RTL1: variants seen among roughly 807,000 people sequenced by gnomAD.
RTL1 encodes the protein retrotransposon-like protein 1.
For missense variants in RTL1, 1,681 were observed against 1,767.5 expected, an observed-to-expected ratio of 0.95 and a Z score of 0.88; for synonymous variants, 727 against 748.4, an observed-to-expected ratio of 0.97 and a Z score of 0.47.
chr14:100,896,191 GA>G (rs2038853580), intron 2 of RTL1, among the ~76,000 whole-genome samples: 1 of 152,206 alleles, frequency 6.6e-6, no homozygotes, highest in South Asian at 2.1e-4. Context: ...TCACGTGCAG[GA>G]AAGGCGATTA....
rs765310455 is a variant in RTL1, at chr14:100,881,848, C to A, written c.2941G>T (p.Val981Phe). The part of the protein sequence containing the change: ...VFFFSHFNFD[V>F]MELPEQDGGR... ...CCGTCTTGTTCTGGCAGCTCCATGA[C>A]GTCAAAGTTGAAGTGGGAGAAGAAG... The change falls in exon 4 of 4, where the codon GTC (valine) becomes TTC (phenylalanine). Residue 981 changes from valine (V) to phenylalanine (F), a missense_variant. Physicochemically the swap from Val to Phe is conservative, Grantham distance 50. Coordinates refer to ENST00000649591, the MANE Select transcript of RTL1 (RefSeq NM_001134888.3). The surrounding 1 kb of genome is among the most constrained non-coding windows in gnomAD (Gnocchi z 6.6). 17 of 1,613,718 alleles carry A rather than the reference C, an allele frequency of 1.1e-5. No homozygotes were observed. The highest frequency in any genetic ancestry group is 1.4e-5 in the Non-Finnish European group (16 of 1,180,044).
At chr14:100,887,491 C>T (rs777917371) in intron 3 of RTL1, among the ~76,000 whole-genome samples, 4 of 152,208 alleles carry the variant, frequency 2.6e-5, no homozygotes, top group Admixed American at 6.5e-5. Context: ...CGGTGACTCA[C>T]AGCTGTAATC....
In RTL1 at chr14:100,880,999, C is replaced by A; in HGVS notation, c.3790G>T (p.Val1264Leu). ...DTSQDKQDNDVQEAPPSHTAA... is the reference protein window; with the variant it reads ...DTSQDKQDNDLQEAPPSHTAA... The stretch of plus-strand genomic sequence containing the variant: ...GTGTGGCTGGGTGGGGCCTCCTGCA[C>A]GTCGTTGTCCTGCTTGTCCTGCGAG... The change falls in exon 4 of 4, where the codon GTG becomes TTG. Residue 1264 changes from valine to leucine, a missense_variant. Val to Leu is a conservative substitution (Grantham distance 32, BLOSUM62 1). Transcript: ENST00000649591. 6.4e-7 allele frequency: 1 copy of A among 1,568,224 alleles called. No homozygotes were observed. The highest frequency in any genetic ancestry group is 8.6e-7 in the Non-Finnish European group (1 of 1,157,142).
rs1393939218 is a variant in RTL1 at position 100,881,171 on chromosome 14, G to T, written c.3618C>A (p.Pro1206=). The part of the protein sequence containing the change: ...LCEFFGVRVT[P]QEGHLPALRQ... ...GCAGGGCAGGGAGGTGGCCCTCCTGGGGGGTGACTCTGACACCGAAGAACT... is the reference window on the plus strand; with the variant it reads ...GCAGGGCAGGGAGGTGGCCCTCCTGTGGGGTGACTCTGACACCGAAGAACT... The change falls in exon 4 of 4, where the codon CCC becomes CCA. Residue 1206 remains proline, a synonymous_variant. Transcript: ENST00000649591. The surrounding 1 kb of genome is among the most constrained non-coding windows in gnomAD (Gnocchi z 6.6). The T allele has an allele frequency of 5.8e-6, 9 of 1,542,282 alleles. No homozygotes were observed. In the African/African-American group the frequency reaches 9.6e-5, roughly 16 times the overall value.
intron 3 of RTL1, chr14:100,889,598 A>G (rs1034738542): frequency 2.0e-5 from 3 of 152,166 alleles, no homozygotes; most frequent in South Asian, 2.1e-4. Context: ...CCCTCTGCCC[A>G]TAATTCATTA....
intron 2 of RTL1, among the ~76,000 whole-genome samples, chr14:100,894,499 G>T (rs903345479): frequency 2.0e-5 from 3 of 152,078 alleles, no homozygotes; most frequent in Admixed American, 2.0e-4. Context: ...TTCCGCCCTG[G>T]GTCCCCATAC....
At chr14:100,896,830 C>T (rs779500630) in intron 2 of RTL1, among the ~76,000 whole-genome samples, 14 of 152,174 alleles carry the variant, frequency 9.2e-5, no homozygotes, top group Non-Finnish European at 1.3e-4. Context: ...ACCAGCAAGC[C>T]GTCTAGGCTG....
At chr14:100,892,400 C>T (rs925314204) in intron 3 of RTL1, among the ~76,000 whole-genome samples, 1 of 152,174 alleles carries the variant, frequency 6.6e-6, no homozygotes, top group Non-Finnish European at 1.5e-5. Context: ...AGGAGCACCT[C>T]CTTCCAGGGA....
chr14:100,892,928 C>T (rs181134019), intron 3 of RTL1, among the ~76,000 whole-genome samples: 1 of 152,202 alleles, frequency 6.6e-6, no homozygotes, highest in Non-Finnish European at 1.5e-5. Context: ...AACTGGGATT[C>T]GGAGGGCGAG....
In RTL1 at chr14:100,881,461, C is replaced by G; in HGVS notation, c.3328G>C (p.Ala1110Pro). 1 of 1,550,546 alleles carries G rather than the reference C, an allele frequency of 6.4e-7. No homozygotes were observed. Among genetic ancestry groups the G allele is most frequent in the Non-Finnish European group, 8.7e-7 (1 of 1,146,898 alleles). Residue 1110 changes from alanine to proline, a missense_variant, in exon 4 of 4, where the codon GCA (alanine) becomes CCA (proline). By Grantham distance (27) the Ala-to-Pro change is conservative. Transcript: ENST00000649591. The surrounding 1 kb of genome is among the most constrained non-coding windows in gnomAD (Gnocchi z 6.6). ...GGCCGAGCCACCCGCATGGCGGGTG[C>G]CGGCCGCAGCGAGAGGCATTGCCTC... Reference protein sequence around the residue: ...RVRQCLSLRPAPAMRVARPQP... With the variant: ...RVRQCLSLRPPPAMRVARPQP...
Position 100,884,003 on chromosome 14 carries a change from G to A in RTL1, c.786C>T (p.Pro262=), listed in dbSNP as rs771969048. 1 of 1,551,622 alleles carries A rather than the reference G, an allele frequency of 6.4e-7. No individual in the cohort carries two copies. Among genetic ancestry groups the A allele is most frequent in the South Asian group, 1.2e-5 (1 of 84,066 alleles). ...WAKALLQENS[P]LIGDFPAFLE... The stretch of plus-strand genomic sequence containing the variant: ...GGAAGGCTGGGAAGTCTCCGATCAG[G>A]GGGCTGTTTTCCTGCAGTAGAGCTT... The change falls in exon 4 of 4, where the codon CCC becomes CCT. Residue 262 remains proline (P), a synonymous_variant. Transcript: ENST00000649591.
Position 100,883,764 on chromosome 14 carries a change from G to C in RTL1, c.1025C>G (p.Pro342Arg). ...EEIRHYLFRV[P>R]QPDSLDSLIV... Reference sequence around the variant, plus strand: ...CAGACTGTCTAGGGAATCCGGCTGAGGGACCCGGAATAGATAGTGCCTGAT... The same window carrying C: ...CAGACTGTCTAGGGAATCCGGCTGACGGACCCGGAATAGATAGTGCCTGAT... Residue 342 changes from proline to arginine, a missense_variant, in exon 4 of 4, where the codon CCT becomes CGT. Physicochemically the swap from Pro to Arg is moderately radical, Grantham distance 103. Transcript: ENST00000649591. This position sits in a 1 kb window ranked among gnomAD's most constrained non-coding sequence, Gnocchi z 5.9. 6.4e-7 allele frequency: 1 copy of C among 1,551,672 alleles called. No individual in the cohort carries two copies. Among genetic ancestry groups the C allele is most frequent in the South Asian group, 1.2e-5 (1 of 84,062 alleles).
rs2038673783 is a variant in RTL1, at chr14:100,884,706, C to T, written c.83G>A (p.Gly28Asp). Residue 28 changes from glycine (G) to aspartate (D), a missense_variant, in exon 4 of 4, where the codon GGC becomes GAC. By Grantham distance (94) the Gly-to-Asp change is moderately conservative (BLOSUM62 -1). Coordinates refer to ENST00000649591, the MANE Select transcript of RTL1 (RefSeq NM_001134888.3). ...CGTCGCCTCGGTGGTGTTGGATGAG[C>T]CCTCGGAGGACTCCATTTGTTTTGA... ...PSSKQMESSE[G>D]SSNTTEATSG... is the part of the protein sequence containing the mutation. 6.2e-7 allele frequency: 1 copy of T among 1,613,006 alleles called. No homozygotes were observed. Among genetic ancestry groups the T allele is most frequent in the South Asian group, 1.1e-5 (1 of 90,978 alleles).
rs1273461080 is a variant in RTL1 at position 100,880,804 on chromosome 14, C to A, written c.3985G>T (p.Ala1329Ser). 8.4e-6 allele frequency: 13 copies of A among 1,550,588 alleles called. No homozygotes were observed. Among genetic ancestry groups the A allele is most frequent in the Non-Finnish European group, 1.0e-5 (12 of 1,146,954 alleles). ...SQFLTLIYRR[A>S]LPIPAWESQP... ...CTCTCCCAGGCGGGGATGGGCAGGG[C>A]CCGCCTGTAGATCAGGGTCAGGAAC... The change falls in exon 4 of 4, where the codon GCC (alanine) becomes TCC (serine). Residue 1329 changes from alanine (A) to serine (S), a missense_variant. Ala to Ser is a moderately conservative substitution (Grantham distance 99). Transcript: ENST00000649591.
Position 100,880,984 on chromosome 14 carries a change from G to A in RTL1, c.3805C>T (p.Pro1269Ser). The change falls in exon 4 of 4, where the codon CCC becomes TCC. Residue 1269 changes from proline (P) to serine (S), a missense_variant. Coordinates refer to ENST00000649591, the MANE Select transcript of RTL1 (RefSeq NM_001134888.3). ...GGGTGGGTGGCTGCTGTGTGGCTGG[G>A]TGGGGCCTCCTGCACGTCGTTGTCC... ...KQDNDVQEAPPSHTAATHPPR... is the reference protein window; with the variant it reads ...KQDNDVQEAPSSHTAATHPPR... The A allele has an allele frequency of 1.3e-6, 2 of 1,561,076 alleles. No homozygotes were observed. Among genetic ancestry groups the A allele is most frequent in the Non-Finnish European group, 1.7e-6 (2 of 1,153,264 alleles).
At position 100,884,177 on chromosome 14, in the gene RTL1, C is replaced by T. The variant is rs369649788; in HGVS notation, c.612G>A (p.Lys204=). 3.2e-5 allele frequency: 50 copies of T among 1,551,558 alleles called. No homozygotes were observed. Among genetic ancestry groups the T allele is most frequent in the Non-Finnish European group, 3.9e-5 (45 of 1,146,978 alleles). The change falls in exon 4 of 4, where the codon AAG becomes AAA. Residue 204 remains lysine, a synonymous_variant. Coordinates refer to ENST00000649591, the MANE Select transcript of RTL1 (RefSeq NM_001134888.3). Reference sequence around the variant, plus strand: ...ATTCTCTGCGATCGCCAGAGAAGTGCTTTGGGGCGGGCAGTTGGCCTGCAT... The same window carrying T: ...ATTCTCTGCGATCGCCAGAGAAGTGTTTTGGGGCGGGCAGTTGGCCTGCAT... ...GINAGQLPAP[K]HFSGDRREFH...
In RTL1 at chr14:100,883,334, G is replaced by A. The variant is rs886877777; in HGVS notation, c.1455C>T (p.Asn485=). Residue 485 remains asparagine (N), a synonymous_variant, in exon 4 of 4, where the codon AAC becomes AAT. Transcript: ENST00000649591. The surrounding 1 kb of genome is among the most constrained non-coding windows in gnomAD (Gnocchi z 5.9). The part of the protein sequence containing the change: ...YTEPLVCIHQ[N]HQESIEFDIV... ...TGTCAAATTCGATGGACTCCTGGTG[G>A]TTCTGGTGGATACACACCAGGGGCT... The A allele has an allele frequency of 2.7e-5, 42 of 1,551,466 alleles. No individual in the cohort carries two copies. Among genetic ancestry groups the A allele is most frequent in the Non-Finnish European group, 3.1e-5 (35 of 1,146,882 alleles).
intron 3 of RTL1, among the ~76,000 whole-genome samples, chr14:100,889,314 A>T (rs1468068985): frequency 6.6e-6 from 1 of 152,226 alleles, no homozygotes; most frequent in African/African-American, 2.4e-5. Flanking sequence ...TCATGTCCTC[A>T]ACATAAAATC....
Position 100,884,197 on chromosome 14 carries a change from C to G in RTL1, c.592G>C (p.Gly198Arg), listed in dbSNP as rs1319819449. The change falls in exon 4 of 4, where the codon GGC becomes CGC. Residue 198 changes from glycine to arginine, a missense_variant. Physicochemically the swap from Gly to Arg is moderately radical, Grantham distance 125. Coordinates refer to ENST00000649591, the MANE Select transcript of RTL1 (RefSeq NM_001134888.3). ...AAGTGCTTTGGGGCGGGCAGTTGGC[C>G]TGCATTGATCCCTTTGATCAAGATC... ...EEILIKGINAGQLPAPKHFSG... is the reference protein window; with the variant it reads ...EEILIKGINARQLPAPKHFSG... 6.4e-7 allele frequency: 1 copy of G among 1,551,610 alleles called. No homozygotes were observed. The highest frequency in any genetic ancestry group is 8.7e-7 in the Non-Finnish European group (1 of 1,146,982).
Sources: gnomAD v4.1 joint callset for allele counts (sites outside exome capture counted in the v4.1 genomes callset) on GRCh38, gnomAD v4.1.1 for gene constraint, Gnocchi (gnomAD v3.1) non-coding constraint, MANE v1.5 for transcripts, NCBI Gene and HGNC (gene_info 2026-07-23, HGNC 2026-07-21) for gene names.